PTPRD: variants seen among roughly 807,000 people sequenced by gnomAD.
PTPRD encodes the protein receptor-type tyrosine-protein phosphatase delta.
In PTPRD, 34 loss-of-function variants were observed where a neutral mutation model predicts 214.5. The observed-to-expected ratio is 0.16, with a 90% CI of 0.12 to 0.21. PTPRD has a LOEUF of 0.21. Ranked by LOEUF, PTPRD falls within the 10% of genes least tolerant of loss-of-function variation. The pLI is 1.00. For missense variants in PTPRD, 2,545 were observed against 2,398.7 expected (o/e 1.06, Z -1.27); for synonymous variants, 1,128 against 845.7 (o/e 1.33, Z -5.79).
At chr9:9,653,639 A>G in intron 7 of PTPRD, among the ~76,000 whole-genome samples, 1 of 152,126 alleles carries the variant, frequency 6.6e-6, no homozygotes, top group East Asian at 1.9e-4. Flanking sequence ...CCTGTATTAT[A>G]ATGTGGTTGA....
chr9:9,973,209 T>C (rs980886700), intron 4 of PTPRD, among the ~76,000 whole-genome samples: 4 of 149,638 alleles, frequency 2.7e-5, no homozygotes, highest in African/African-American at 9.9e-5. Flanking sequence ...ATGCCTGTAA[T>C]CCCAGCACTT....
intron 3 of PTPRD, among the ~76,000 whole-genome samples, chr9:10,111,816 C>T (rs576668616): frequency 9.8e-5 from 15 of 152,342 alleles, no homozygotes; most frequent in African/African-American, 3.4e-4. Flanking sequence ...ATGGCAGACA[C>T]ATTTAGCCTC....
chr9:9,881,992 A>G (rs1231782932), intron 5 of PTPRD, among the ~76,000 whole-genome samples: 1 of 152,104 alleles, frequency 6.6e-6, no homozygotes, highest in East Asian at 1.9e-4. Context: ...GCTTTTCTCA[A>G]TTTCCACCAT....
intron 5 of PTPRD, among the ~76,000 whole-genome samples, chr9:9,853,379 G>C (rs2060910812): frequency 6.6e-6 from 1 of 152,088 alleles, no homozygotes; most frequent in African/African-American, 2.4e-5. Flanking sequence ...TACAAATGTA[G>C]AACAACATTC....
At chr9:9,993,719 T>A (rs1365176583) in intron 4 of PTPRD, among the ~76,000 whole-genome samples, 3 of 152,176 alleles carry the variant, frequency 2.0e-5, no homozygotes, top group Admixed American at 6.5e-5. Flanking sequence ...AAATACTAAT[T>A]ACATGCGTCT....
intron 9 of PTPRD, among the ~76,000 whole-genome samples, chr9:9,320,028 A>C (rs1371326014): frequency 1.3e-5 from 2 of 152,182 alleles, no homozygotes. Flanking sequence ...GAAGTTCATC[A>C]CTAATGTTTG....
chr9:9,971,481 T>A (rs1044361402), intron 4 of PTPRD, among the ~76,000 whole-genome samples: 4 of 152,196 alleles, frequency 2.6e-5, no homozygotes, highest in Non-Finnish European at 5.9e-5. Context: ...TATTTTGAAT[T>A]TTCCAGAAAG....
At chr9:8,594,369 C>T (rs773625451) in intron 14 of PTPRD, among the ~76,000 whole-genome samples, 7 of 152,138 alleles carry the variant, frequency 4.6e-5, no homozygotes, top group African/African-American at 1.7e-4. Flanking sequence ...CAAAGATCTC[C>T]TAAGAATCTG....
intron 11 of PTPRD, among the ~76,000 whole-genome samples, chr9:8,852,941 C>A (rs2097847814): frequency 6.6e-6 from 1 of 152,086 alleles, no homozygotes; most frequent in South Asian, 2.1e-4. Context: ...TGTTTTAGTC[C>A]ATTTTTTTCC....
intron 10 of PTPRD, among the ~76,000 whole-genome samples, chr9:9,155,159 G>A (rs572683157): frequency 6.6e-6 from 1 of 152,222 alleles, no homozygotes; most frequent in South Asian, 2.1e-4. Context: ...AAGATGCATT[G>A]AAGGGTAACA....
chr9:9,912,185 T>C (rs1297294818), intron 5 of PTPRD, among the ~76,000 whole-genome samples: 1 of 152,160 alleles, frequency 6.6e-6, no homozygotes, highest in Non-Finnish European at 1.5e-5. Flanking sequence ...ATAAATACAC[T>C]TTTTTAATCG....
intron 8 of PTPRD, among the ~76,000 whole-genome samples, chr9:9,473,291 T>C (rs2094764011): frequency 6.6e-6 from 1 of 152,194 alleles, no homozygotes; most frequent in Non-Finnish European, 1.5e-5. Flanking sequence ...ACGCATGTTG[T>C]ATTGAGTGAC....
intron 3 of PTPRD, among the ~76,000 whole-genome samples, chr9:10,197,007 C>G (rs2099401014): frequency 6.6e-6 from 1 of 152,144 alleles, no homozygotes; most frequent in Non-Finnish European, 1.5e-5. Context: ...CTCAGATTTT[C>G]AGGCCCCAGA....
intron 11 of PTPRD, among the ~76,000 whole-genome samples, chr9:8,839,230 A>G (rs916179317): frequency 1.3e-5 from 2 of 152,218 alleles, no homozygotes; most frequent in African/African-American, 4.8e-5. Flanking sequence ...TATTAAACCA[A>G]TAATGAGAAA....
intron 7 of PTPRD, among the ~76,000 whole-genome samples, chr9:9,670,111 CAATTAGT>C (rs1213219174): frequency 6.6e-6 from 1 of 152,010 alleles, no homozygotes; most frequent in Non-Finnish European, 1.5e-5. Flanking sequence ...GTAAAATTAG[CAATTAGT>C]AATTAGTAAT....
At chr9:8,695,293 A>G (rs1440000064) in intron 12 of PTPRD, among the ~76,000 whole-genome samples, 1 of 152,178 alleles carries the variant, frequency 6.6e-6, no homozygotes, top group Admixed American at 6.5e-5. Context: ...CCAGGATTGA[A>G]TCACATGGCC....
intron 3 of PTPRD, among the ~76,000 whole-genome samples, chr9:10,327,185 AT>A: frequency 6.7e-6 from 1 of 148,674 alleles, no homozygotes; most frequent in African/African-American, 2.4e-5. Flanking sequence ...ATATATATAT[AT>A]ATATATATAT....
At chr9:8,985,861 A>G (rs1212985526) in intron 11 of PTPRD, among the ~76,000 whole-genome samples, 3 of 152,212 alleles carry the variant, frequency 2.0e-5, no homozygotes, top group African/African-American at 7.2e-5. Context: ...TGCACACCTA[A>G]TTAAAGCAAA....
At chr9:8,470,044 G>A (rs1177198331) in intron 31 of PTPRD, among the ~76,000 whole-genome samples, 1 of 152,110 alleles carries the variant, frequency 6.6e-6, no homozygotes, top group African/African-American at 2.4e-5. Context: ...AGAAATAAAA[G>A]ATTGTACTAC....
Sources: gnomAD v4.1 joint callset for allele counts (sites outside exome capture counted in the v4.1 genomes callset) on GRCh38, gnomAD v4.1.1 for gene constraint, MANE v1.5 for transcripts, NCBI Gene and HGNC (gene_info 2026-07-23, HGNC 2026-07-21) for gene names.